USP30: variants seen among roughly 807,000 people sequenced by gnomAD.
The protein encoded by USP30 is ubiquitin carboxyl-terminal hydrolase 30.
Under a neutral mutation model 68.2 loss-of-function variants are expected in USP30, and 41 were observed. The ratio of observed to expected loss-of-function variants is 0.60; its 90% CI spans 0.47 to 0.78. The LOEUF (loss-of-function observed/expected upper bound fraction) is 0.78, where lower values mean the gene tolerates loss of function less well. USP30 is among the 30% of genes least tolerant of loss of function. USP30 has a pLI of 0.00. For missense variants in USP30, 522 were observed against 649.4 expected, an observed-to-expected ratio of 0.80 and a Z score of 2.13; for synonymous variants, 229 against 253.7, an observed-to-expected ratio of 0.90 and a Z score of 0.93.
At chr12:109,042,676 T>C (rs1467017725) in intron 3 of USP30, among the ~76,000 whole-genome samples, 2 of 152,196 alleles carry the variant, frequency 1.3e-5, no homozygotes, top group East Asian at 3.8e-4. Context: ...AAGCTTTTCC[T>C]CTAAAATCAG....
Position 109,038,738 on chromosome 12 carries a change from G to A in USP30, c.-135-8852G>A, listed in dbSNP as rs570631804. 1.3e-3 allele frequency among the ~76,000 whole-genome samples: 200 copies of A among 152,242 alleles called. 2 individuals are homozygous for A. Among genetic ancestry groups the A allele is most frequent in the Middle Eastern group, 6.8e-3 (2 of 292 alleles). ...ATTATTTTACATTCCTGCTAGCAAC[G>A]TATGATATCCAGTTGCTCCAAATCC... On this transcript the variant is annotated intron_variant, in intron 3 of 15. Transcript: ENST00000392784.
intron 6 of USP30, 34 bp downstream of exon 6, chr12:109,072,384 A>T (rs750934552): frequency 1.3e-6 from 2 of 1,594,118 alleles, no homozygotes; most frequent in Non-Finnish European, 1.7e-6. Flanking sequence ...AACACATAAG[A>T]TGTGGACTTT....
rs1162204621 is a variant in USP30 at position 109,055,397 on chromosome 12, TA to T, written c.84-1284del. Among the ~76,000 whole-genome samples, 161 of 50,392 alleles carry T rather than the reference TA, an allele frequency of 3.2e-3. 3 individuals carry two copies. Among genetic ancestry groups the T allele is most frequent in the African/African-American group, 6.7e-3 (96 of 14,330 alleles). 33.1% of individuals were successfully genotyped at this position (50,392 alleles called of 152,430 possible). On this transcript the variant is annotated intron_variant, in intron 1 of 12. Transcript: ENST00000257548. The stretch of plus-strand genomic sequence containing the variant: ...ATATATACATATATATATATATATA[TA>T]TATTTTTTTTTTTTTTTTTTTTGAG...
intron 3 of USP30, among the ~76,000 whole-genome samples, chr12:109,030,409 A>G (rs1240763469): frequency 6.6e-6 from 1 of 152,228 alleles, no homozygotes; most frequent in East Asian, 1.9e-4. Flanking sequence ...ATCCTAATAC[A>G]AGATCTTAAA....
At chr12:109,025,262 C>T (rs115991738) in intron 2 of USP30, among the ~76,000 whole-genome samples, 3,883 of 152,184 alleles carry the variant, frequency 0.026, 155 homozygotes, top group African/African-American at 0.088. Flanking sequence ...CTCAGCCTCC[C>T]TAATTATGTT....
In USP30 at chr12:109,052,647, G is replaced by A. The variant is rs779264708; in HGVS notation, c.-32G>A. The A allele has an allele frequency of 2.8e-6, 4 of 1,417,088 alleles. No homozygotes were observed. In the Admixed American group the frequency reaches 1.1e-4, roughly 38 times the overall value. The allele number at this position is 1,417,088 out of a possible 1,614,324, so 87.8% of individuals were successfully genotyped here. A position where few individuals can be genotyped will look rare whatever the true frequency, so the allele number is the denominator to read the frequency against. On this transcript the variant is annotated 5_prime_UTR_variant, in exon 1 of 13. Coordinates refer to ENST00000257548, the MANE Select transcript of USP30 (RefSeq NM_032663.5). Reference sequence around the variant, plus strand: ...CGGCGGCGGCGGCGGCGGTAGCGGAGGAGACGGTTTCAGGCCTCCGGTGCG... The same window carrying A: ...CGGCGGCGGCGGCGGCGGTAGCGGAAGAGACGGTTTCAGGCCTCCGGTGCG...
intron 2 of USP30, among the ~76,000 whole-genome samples, chr12:109,026,207 C>T (rs926219489): frequency 6.6e-6 from 1 of 152,108 alleles, no homozygotes; most frequent in African/African-American, 2.4e-5. Context: ...TCCTGAGTAG[C>T]TGGGACTGCA....
chr12:109,081,867 A>G, intron 8 of USP30, 66 bp from the exon 9 acceptor site: 3 of 1,482,348 alleles, frequency 2.0e-6, no homozygotes, highest in South Asian at 2.3e-5. Context: ...TCACACTGCC[A>G]TCTGCTAACA....
chr12:109,029,939 C>G (rs187554841), intron 3 of USP30, among the ~76,000 whole-genome samples: 1 of 152,284 alleles, frequency 6.6e-6, no homozygotes, highest in East Asian at 1.9e-4. Flanking sequence ...CTCCAGCCCT[C>G]CCATAATCCC....
chr12:109,058,594 A>G (rs1301484104), intron 3 of USP30, among the ~76,000 whole-genome samples: 1 of 151,462 alleles, frequency 6.6e-6, no homozygotes, highest in African/African-American at 2.4e-5. Context: ...AAAATCAAAG[A>G]TGGAACCATT....
At position 109,072,304 on chromosome 12, in the gene USP30, GC is replaced by G. The variant is rs750795617; in HGVS notation, c.580del (p.Gln194SerfsTer5). On this transcript the variant is annotated frameshift_variant and splice_region_variant, in exon 6 of 13. Coordinates refer to ENST00000257548, the MANE Select transcript of USP30 (RefSeq NM_032663.5). LOFTEE classifies it high-confidence loss of function. ...CTGTTTTTTTTTTTTCTCCCCTACA[GC>G]AGCAGTCAGAAATAACTCCCAAACA... The part of the protein sequence containing the change: ...THLFDVHSLE[Q>X]QSEITPKQIT... 1 of 1,611,984 alleles carries G rather than the reference GC, an allele frequency of 6.2e-7. No individual in the cohort carries two copies. The highest frequency in any genetic ancestry group is 1.1e-5 in the South Asian group (1 of 91,026).
upstream of USP30, chr12:109,047,674 G>C (rs898668565): frequency 6.6e-6 from 1 of 152,138 alleles, no homozygotes; most frequent in African/African-American, 2.4e-5. Flanking sequence ...CCATCCTCTG[G>C]GCCAGCCCTC....
At chr12:109,049,642 C>G (rs2040640699), upstream of USP30, among the ~76,000 whole-genome samples, 1 of 151,856 alleles carries the variant, frequency 6.6e-6, no homozygotes, top group Non-Finnish European at 1.5e-5. Flanking sequence ...CAGTGGAACC[C>G]CATCTCTACT....
intron 3 of USP30, among the ~76,000 whole-genome samples, chr12:109,063,522 G>T (rs1296490284): frequency 5.3e-5 from 8 of 152,212 alleles, no homozygotes; most frequent in Non-Finnish European, 8.8e-5. Context: ...GTGAACATTA[G>T]TGTCCAAATT....
rs1354956679 is a variant in USP30 at position 109,070,617 on chromosome 12, G to T, written c.481-995G>T. ...AAAGCTATCTGCCTTTTAAAGTATT[G>T]CTCTGGTGGCAGTGTGAGGGGACAC... On this transcript the variant is annotated intron_variant, in intron 4 of 12. Transcript: ENST00000257548. This position sits in a 1 kb window ranked among gnomAD's most constrained non-coding sequence, Gnocchi z 4.0. Among the ~76,000 whole-genome samples, 1 of 152,128 alleles carries T rather than the reference G, an allele frequency of 6.6e-6. No individual in the cohort carries two copies. The highest frequency in any genetic ancestry group is 1.5e-5 in the Non-Finnish European group (1 of 68,024).
intron 1 of USP30, among the ~76,000 whole-genome samples, chr12:109,055,826 AAAAG>A (rs1258850920): frequency 1.3e-5 from 2 of 151,716 alleles, no homozygotes; most frequent in South Asian, 4.2e-4. Context: ...AAAAAAAAAA[AAAAG>A]AAAAGAAAAA....
intron 1 of USP30, among the ~76,000 whole-genome samples, chr12:109,056,255 C>T (rs1289845955): frequency 9.2e-5 from 14 of 152,248 alleles, no homozygotes; most frequent in African/African-American, 4.8e-5. Context: ...TGCAATGGCA[C>T]GATCTCAGCT....
intron 3 of USP30, among the ~76,000 whole-genome samples, chr12:109,066,608 C>T (rs904287499): frequency 1.3e-5 from 2 of 152,148 alleles, no homozygotes; most frequent in East Asian, 1.9e-4. Flanking sequence ...TCGCTTGAAC[C>T]CAGGAGGCGG....
chr12:109,061,629 C>T (rs1308580814), intron 3 of USP30, among the ~76,000 whole-genome samples: 2 of 151,774 alleles, frequency 1.3e-5, no homozygotes, highest in Admixed American at 6.6e-5. Flanking sequence ...AGGCTGGTCT[C>T]GAACTCCTAA....
Sources: gnomAD v4.1 joint callset for allele counts (sites outside exome capture counted in the v4.1 genomes callset) on GRCh38, gnomAD v4.1.1 for gene constraint, Gnocchi (gnomAD v3.1) non-coding constraint, MANE v1.5 for transcripts, NCBI Gene and HGNC (gene_info 2026-07-23, HGNC 2026-07-21) for gene names.